Variants in KIF3B observed in about 807,000 individuals in gnomAD.
KIF3B encodes kinesin-like protein KIF3B.
Under a neutral mutation model 74.3 loss-of-function variants are expected in KIF3B, and 38 were observed. The ratio of observed to expected loss-of-function variants is 0.51; its 90% CI spans 0.39 to 0.67. KIF3B has a LOEUF of 0.67. Ranked by LOEUF, KIF3B falls within the 30% of genes least tolerant of loss-of-function variation. KIF3B has a pLI of 0.00. For synonymous variants in KIF3B, 326 were observed against 342.5 expected, an observed-to-expected ratio of 0.95 and a Z score of 0.53; for missense variants, 649 against 932.0, an observed-to-expected ratio of 0.70 and a Z score of 3.95.
chr20:32,307,065 A>G (rs1326558527), intron 1 of KIF3B, among the ~76,000 whole-genome samples: 1 of 152,102 alleles, frequency 6.6e-6, no homozygotes, highest in African/African-American at 2.4e-5. Flanking sequence ...AATAGAGTTT[A>G]TTTTTAGAGC....
At chr20:32,298,655 T>G (rs954330193) in intron 1 of KIF3B, among the ~76,000 whole-genome samples, 3 of 151,512 alleles carry the variant, frequency 2.0e-5, no homozygotes, top group African/African-American at 7.3e-5. Context: ...TATCCTTCTA[T>G]CTCCCCTCCC....
chr20:32,310,136 C>T lies in KIF3B; in HGVS notation c.359C>T (p.Pro120Leu). The T allele has an allele frequency of 6.2e-7, 1 of 1,614,080 alleles. No individual in the cohort carries two copies. The highest frequency in any genetic ancestry group is 1.6e-4 in the Middle Eastern group (1 of 6,062). The change falls in exon 2 of 9, where the codon CCT becomes CTT. Residue 120 changes from proline (P) to leucine (L), a missense_variant. Pro to Leu is a moderately conservative substitution (Grantham distance 98). Coordinates refer to ENST00000375712, the MANE Select transcript of KIF3B (RefSeq NM_004798.4). This position sits in a 1 kb window ranked among gnomAD's most constrained non-coding sequence, Gnocchi z 6.5. ...RGDPEKRGVI[P>L]NSFDHIFTHI... ...GACCCTGAAAAAAGAGGAGTCATTC[C>T]TAACTCATTTGACCATATCTTCACC...
At chr20:32,324,095 T>A in intron 5 of KIF3B, among the ~76,000 whole-genome samples, 1 of 147,468 alleles carries the variant, frequency 6.8e-6, no homozygotes. Flanking sequence ...GGTGACCGAG[T>A]GAGACACCAA....
intron 2 of KIF3B, among the ~76,000 whole-genome samples, chr20:32,314,489 A>G (rs1282862661): frequency 1.3e-5 from 2 of 151,974 alleles, no homozygotes; most frequent in African/African-American, 4.8e-5. Flanking sequence ...GCAGTGAGCC[A>G]AGATCATGCC....
chr20:32,300,884 T>C (rs1403709137), intron 1 of KIF3B, among the ~76,000 whole-genome samples: 6 of 151,768 alleles, frequency 4.0e-5, no homozygotes, highest in African/African-American at 1.5e-4. Flanking sequence ...TTTTTACTTT[T>C]GGAAACAGGG....
intron 8 of KIF3B, 121 bp from the exon 9 acceptor site, chr20:32,331,102 C>T: frequency 5.3e-6 from 4 of 755,074 alleles, no homozygotes; most frequent in Non-Finnish European, 9.2e-6. Flanking sequence ...AGTGGTTTTA[C>T]AGTTGAACTT....
intron 1 of KIF3B, among the ~76,000 whole-genome samples, chr20:32,280,583 C>T (rs527505681): frequency 2.6e-5 from 4 of 151,250 alleles, no homozygotes; most frequent in East Asian, 3.9e-4. Context: ...GGCATGGTGG[C>T]GGGCGCCTGT....
chr20:32,284,384 G>A (rs917680065), intron 1 of KIF3B, among the ~76,000 whole-genome samples: 1 of 152,206 alleles, frequency 6.6e-6, no homozygotes, highest in East Asian at 1.9e-4. Context: ...GAGGTCACTT[G>A]TTTTTGTCAG....
In KIF3B at chr20:32,326,854, A is replaced by G. The variant is rs375086240; in HGVS notation, c.1832A>G (p.His611Arg). 5 of 1,583,302 alleles carry G rather than the reference A, an allele frequency of 3.2e-6. No individual in the cohort carries two copies. Among genetic ancestry groups the G allele is most frequent in the African/African-American group, 1.3e-5 (1 of 74,098 alleles). Residue 611 changes from histidine to arginine, a missense_variant, in exon 6 of 9, where the codon CAT becomes CGT. By Grantham distance (29) the His-to-Arg change is conservative. Transcript: ENST00000375712. ...NRAFFDEEED[H>R]WKLHPITRLE... ...GCCTTCTTTGATGAAGAGGAAGATC[A>G]TTGGAAACTACATCCTATAACCAGA...
In KIF3B at chr20:32,331,731, A is replaced by C. The variant is rs1273888943; in HGVS notation, c.*412A>C. On this transcript the variant is annotated 3_prime_UTR_variant, in exon 9 of 9. Transcript: ENST00000375712. ...ATAGGGCAGAATCAGGAGTCACCTTAGCAGGACCACATCTTTGGAGCCTCG... is the reference window on the plus strand; with the variant it reads ...ATAGGGCAGAATCAGGAGTCACCTTCGCAGGACCACATCTTTGGAGCCTCG... The C allele has an allele frequency of 1.2e-5, 2 of 172,458 alleles. No individual in the cohort carries two copies. Among genetic ancestry groups the C allele is most frequent in the Non-Finnish European group, 2.4e-5 (2 of 82,884 alleles). 10.7% of individuals were successfully genotyped at this position (172,458 alleles called of 1,614,324 possible).
intron 1 of KIF3B, among the ~76,000 whole-genome samples, chr20:32,281,785 T>C (rs770989761): frequency 6.6e-6 from 1 of 152,146 alleles, no homozygotes; most frequent in Non-Finnish European, 1.5e-5. Context: ...ACGTTTTTGC[T>C]GAGATTTGCT....
chr20:32,305,103 G>A (rs1327595050), intron 1 of KIF3B, among the ~76,000 whole-genome samples: 2 of 151,930 alleles, frequency 1.3e-5, no homozygotes, highest in Admixed American at 6.6e-5. Context: ...AGCCGAGATC[G>A]CACCACTGCA....
At chr20:32,326,563 C>T (rs906872765) in intron 5 of KIF3B, among the ~76,000 whole-genome samples, 5 of 152,150 alleles carry the variant, frequency 3.3e-5, no homozygotes, top group Admixed American at 2.0e-4. Flanking sequence ...CAGGGCTGCA[C>T]CATTACCCTT....
At chr20:32,288,788 T>A (rs2047678600) in intron 1 of KIF3B, among the ~76,000 whole-genome samples, 1 of 152,302 alleles carries the variant, frequency 6.6e-6, no homozygotes, top group Admixed American at 6.5e-5. Context: ...ATGTGCACTG[T>A]ATGAACTGTG....
chr20:32,290,227 AC>A (rs1350813008), intron 1 of KIF3B, among the ~76,000 whole-genome samples: 2 of 152,116 alleles, frequency 1.3e-5, no homozygotes, highest in East Asian at 1.9e-4. Context: ...TACTAAAAAT[AC>A]AAAAGTTAGC....
intron 1 of KIF3B, among the ~76,000 whole-genome samples, chr20:32,282,840 T>C (rs1478502861): frequency 6.6e-6 from 1 of 152,220 alleles, no homozygotes; most frequent in Non-Finnish European, 1.5e-5. Flanking sequence ...TCAGAATCCC[T>C]GGAAAACCTA....
intron 1 of KIF3B, among the ~76,000 whole-genome samples, chr20:32,289,966 T>A (rs960997874): frequency 9.9e-5 from 15 of 152,136 alleles, no homozygotes; most frequent in Admixed American, 8.5e-4. Flanking sequence ...GAGTTACCAC[T>A]TGTGGGCCAG....
intron 1 of KIF3B, among the ~76,000 whole-genome samples, chr20:32,300,575 G>T (rs1260122357): frequency 6.6e-6 from 1 of 151,736 alleles, no homozygotes; most frequent in Non-Finnish European, 1.5e-5. Context: ...CGCCGCACCC[G>T]CTGATTTTTA....
At chr20:32,322,650 TTTTATATATTTA>T (rs1569207399) in intron 5 of KIF3B, among the ~76,000 whole-genome samples, 1,801 of 81,540 alleles carry the variant, frequency 0.022, 339 homozygotes, top group African/African-American at 0.12. Flanking sequence ...ATATATATAT[TTTTATATATTTA>T]TATATATATT....
Sources: gnomAD v4.1 joint callset for allele counts (sites outside exome capture counted in the v4.1 genomes callset) on GRCh38, gnomAD v4.1.1 for gene constraint, Gnocchi (gnomAD v3.1) non-coding constraint, MANE v1.5 for transcripts, NCBI Gene and HGNC (gene_info 2026-07-23, HGNC 2026-07-21) for gene names.